VPS37A: variants seen among roughly 807,000 people sequenced by gnomAD.
VPS37A encodes the protein vacuolar protein sorting-associated protein 37A.
VPS37A carries 30 observed loss-of-function variants against 49.8 expected under a neutral mutation model. The ratio of observed to expected loss-of-function variants is 0.60; its 90% CI spans 0.45 to 0.82. VPS37A has a LOEUF of 0.82. Among genes scored for constraint, VPS37A ranks in the 40% least tolerant of loss-of-function variants. The pLI is 0.00. For synonymous variants in VPS37A, 195 were observed against 160.6 expected, an observed-to-expected ratio of 1.21 and a Z score of -1.62; for missense variants, 593 against 464.4, an observed-to-expected ratio of 1.28 and a Z score of -2.55.
intron 2 of VPS37A, among the ~76,000 whole-genome samples, chr8:17,267,892 A>G (rs1813617303): frequency 6.6e-6 from 1 of 152,204 alleles, no homozygotes; most frequent in Non-Finnish European, 1.5e-5. Context: ...GGTCCAATAA[A>G]TAGCCAGACT....
intron 4 of VPS37A, among the ~76,000 whole-genome samples, chr8:17,273,223 C>G (rs180739075): frequency 1.8e-4 from 27 of 152,100 alleles, no homozygotes; most frequent in African/African-American, 6.5e-4. Flanking sequence ...AAAGCCCATC[C>G]TACTTCATTG....
chr8:17,309,285 A>C, the VPS37A span: 1 of 1,542,450 alleles, frequency 6.5e-7, no homozygotes, highest in Non-Finnish European at 9.0e-7. Flanking sequence ...ACCGGTGATT[A>C]AACTTATGAC....
chr8:17,321,815 T>C, the VPS37A span, among the ~76,000 whole-genome samples: 3 of 152,180 alleles, frequency 2.0e-5, no homozygotes, highest in Non-Finnish European at 2.9e-5. Flanking sequence ...ATTTGTTTTA[T>C]ATAAAAGGAC....
chr8:17,310,028 T>C, the VPS37A span, among the ~76,000 whole-genome samples: 1 of 152,162 alleles, frequency 6.6e-6, no homozygotes, highest in South Asian at 2.1e-4. Context: ...TGAGACAGGA[T>C]CTCACTCAGC....
At chr8:17,323,931 T>A in the VPS37A span, among the ~76,000 whole-genome samples, 2 of 152,182 alleles carry the variant, frequency 1.3e-5, no homozygotes, top group Non-Finnish European at 2.9e-5. Context: ...AGGTGAACAT[T>A]TTAAAATTAA....
downstream of VPS37A, chr8:17,305,906 C>T (rs769745507): frequency 3.9e-5 from 63 of 1,613,624 alleles, 2 homozygotes; most frequent in South Asian, 6.8e-4. Context: ...ACTCAATGAA[C>T]TGGTCAATAA....
chr8:17,311,679 T>G, the VPS37A span: 4 of 1,612,686 alleles, frequency 2.5e-6, no homozygotes, highest in Admixed American at 6.7e-5. Context: ...AGAATGGCTG[T>G]AAAAAGGCAG....
chr8:17,311,273 T>C, the VPS37A span, among the ~76,000 whole-genome samples: 1 of 152,222 alleles, frequency 6.6e-6, no homozygotes, highest in Non-Finnish European at 1.5e-5. Flanking sequence ...CCAAAACTCA[T>C]TCAGTAGCAT....
Position 17,276,276 on chromosome 8 carries a change from A to G in VPS37A, c.643-121A>G, listed in dbSNP as rs547714346. On this transcript the variant is annotated intron_variant, in intron 5 of 11. Transcript: ENST00000324849. ...GACTAAGGCAGTGTGAGATGTGAAG[A>G]TGAAAATATGATAATGCAAACAGTT... 2.6e-4 allele frequency: 189 copies of G among 725,444 alleles called. No individual in the cohort carries two copies. In the African/African-American group the frequency reaches 3.2e-3, roughly 12 times the overall value. The allele number at this position is 725,444 out of a possible 1,614,324, so 44.9% of individuals were successfully genotyped here.
the VPS37A span, chr8:17,309,240 A>T: frequency 7.6e-7 from 1 of 1,323,172 alleles, no homozygotes; most frequent in Non-Finnish European, 1.1e-6. Flanking sequence ...CAGTGCTTTT[A>T]TTCTAAACAT....
downstream of VPS37A, among the ~76,000 whole-genome samples, chr8:17,304,769 T>TGTGTGTGTGTGTGTGTGTGTGTGTGTG (rs1817346604): frequency 1.6e-5 from 1 of 61,012 alleles, no homozygotes; most frequent in African/African-American, 1.3e-4. Flanking sequence ...GTGTGTGTGT[T>TGTGTGTGTGTGTGTGTGTGTGTGTGTG]AAGCTGTTCT....
chr8:17,301,194 G>A (rs1042795140), downstream of VPS37A, among the ~76,000 whole-genome samples: 2 of 152,224 alleles, frequency 1.3e-5, no homozygotes, highest in East Asian at 1.9e-4. Flanking sequence ...GATAAATACA[G>A]ACCCAGCCTT....
At chr8:17,306,217 A>G (rs959698487), downstream of VPS37A, among the ~76,000 whole-genome samples, 8 of 152,318 alleles carry the variant, frequency 5.3e-5, no homozygotes, top group Admixed American at 1.3e-4. Context: ...TAAAATTCAA[A>G]GACACTTTCC....
chr8:17,307,186 T>C (rs1410339329), downstream of VPS37A, among the ~76,000 whole-genome samples: 1 of 151,962 alleles, frequency 6.6e-6, no homozygotes, highest in Non-Finnish European at 1.5e-5. Flanking sequence ...CTCAAACAAA[T>C]TTACAAGAAA....
chr8:17,319,033 G>C, the VPS37A span, among the ~76,000 whole-genome samples: 1 of 152,206 alleles, frequency 6.6e-6, no homozygotes, highest in Admixed American at 6.5e-5. Flanking sequence ...CTGCCATCTT[G>C]GGGAAATAGG....
the VPS37A span, among the ~76,000 whole-genome samples, chr8:17,325,286 G>T: frequency 1.3e-5 from 2 of 152,032 alleles, no homozygotes; most frequent in African/African-American, 4.8e-5. Context: ...CACCACGATG[G>T]TGCCTCCCAC....
intron 1 of VPS37A, 92 bp from the exon 2 acceptor site, chr8:17,265,815 G>A: frequency 6.3e-7 from 1 of 1,597,300 alleles, no homozygotes; most frequent in South Asian, 1.1e-5. Flanking sequence ...TAAAAATAAA[G>A]GTAGTTTTAG....
At chr8:17,316,195 T>TGTAA in the VPS37A span, among the ~76,000 whole-genome samples, 1 of 152,140 alleles carries the variant, frequency 6.6e-6, no homozygotes, top group Non-Finnish European at 1.5e-5. Context: ...AAAATGGTAA[T>TGTAA]AATAGCCTCT....
intron 6 of VPS37A, 146 bp from the exon 7 acceptor site, chr8:17,279,882 A>C: frequency 1.1e-6 from 1 of 897,810 alleles, no homozygotes; most frequent in Non-Finnish European, 1.8e-6. Context: ...ATTTGATTTT[A>C]AGGTTAAAAC....
Sources: gnomAD v4.1 joint callset for allele counts (sites outside exome capture counted in the v4.1 genomes callset) on GRCh38, gnomAD v4.1.1 for gene constraint, MANE v1.5 for transcripts, NCBI Gene and HGNC (gene_info 2026-07-23, HGNC 2026-07-21) for gene names.